The following GGACT variants were observed in gnomAD, a reference collection of about 807,000 sequenced individuals.
The protein encoded by GGACT is gamma-glutamylamine cyclotransferase.
For missense variants in GGACT, 241 were observed against 233.2 expected (o/e 1.03, Z -0.22); for synonymous variants, 118 against 115.3 (o/e 1.02, Z -0.15).
intron 2 of GGACT, among the ~76,000 whole-genome samples, chr13:100,574,094 T>C (rs995517183): frequency 4.3e-4 from 65 of 152,226 alleles, no homozygotes; most frequent in Non-Finnish European, 1.5e-5. Flanking sequence ...CATATGTTCA[T>C]TGCTGTACTA....
At chr13:100,573,104 CAAG>C (rs1875135944) in intron 2 of GGACT, among the ~76,000 whole-genome samples, 1 of 152,164 alleles carries the variant, frequency 6.6e-6, no homozygotes, top group Non-Finnish European at 1.5e-5. Flanking sequence ...GTAGCAATCA[CAAG>C]AAGAGTGGGA....
intron 1 of GGACT, chr13:100,586,892 C>T (rs1311108246): frequency 6.6e-6 from 1 of 152,272 alleles, no homozygotes; most frequent in Non-Finnish European, 1.5e-5. Flanking sequence ...CTAAACACGG[C>T]TGCCTTATCC....
At chr13:100,543,326 G>A (rs939187787) in intron 2 of GGACT, among the ~76,000 whole-genome samples, 2 of 146,586 alleles carry the variant, frequency 1.4e-5, no homozygotes, top group Non-Finnish European at 3.0e-5. Flanking sequence ...TCCTGCCTCA[G>A]CCTCCTGAGT....
intron 2 of GGACT, among the ~76,000 whole-genome samples, chr13:100,566,309 C>T (rs556569027): frequency 5.3e-5 from 8 of 152,346 alleles, no homozygotes; most frequent in Admixed American, 1.3e-4. Context: ...AATGTCTTCA[C>T]GTGCTCACAA....
intron 2 of GGACT, among the ~76,000 whole-genome samples, chr13:100,577,450 TAA>T (rs1555335035): frequency 6.7e-6 from 1 of 148,502 alleles, no homozygotes; most frequent in Non-Finnish European, 1.5e-5. Flanking sequence ...AATAAATAAA[TAA>T]AAAGAAAAAG....
At chr13:100,580,569 C>G (rs1294979062) in intron 2 of GGACT, among the ~76,000 whole-genome samples, 1 of 152,210 alleles carries the variant, frequency 6.6e-6, no homozygotes, top group Non-Finnish European at 1.5e-5. Context: ...TCTTAAGCTT[C>G]CCAGTTTGTG....
At chr13:100,543,996 T>G (rs571079360) in intron 2 of GGACT, among the ~76,000 whole-genome samples, 1 of 152,364 alleles carries the variant, frequency 6.6e-6, no homozygotes, top group South Asian at 2.1e-4. Flanking sequence ...CTAGTCCTTC[T>G]GTGACCACCA....
chr13:100,564,395 T>C (rs1200046366), intron 2 of GGACT, among the ~76,000 whole-genome samples: 1 of 152,150 alleles, frequency 6.6e-6, no homozygotes, highest in Non-Finnish European at 1.5e-5. Context: ...TTCACCTACA[T>C]GGCAAGTTCA....
intron 2 of GGACT, among the ~76,000 whole-genome samples, chr13:100,550,585 C>G (rs1343210865): frequency 6.6e-6 from 1 of 152,162 alleles, no homozygotes; most frequent in Admixed American, 6.5e-5. Context: ...GAACCCAGGA[C>G]CCTAGACATT....
At chr13:100,560,482 GC>G (rs1370056826) in intron 2 of GGACT, among the ~76,000 whole-genome samples, 1 of 152,166 alleles carries the variant, frequency 6.6e-6, no homozygotes, top group East Asian at 1.9e-4. Flanking sequence ...TCCCTTCTTA[GC>G]CCTTTACCCA....
intron 2 of GGACT, among the ~76,000 whole-genome samples, chr13:100,566,857 T>A (rs138131635): frequency 5.9e-5 from 9 of 152,360 alleles, no homozygotes; most frequent in Admixed American, 3.3e-4. Context: ...CCTGATAACG[T>A]GCTTTACAGC....
rs539204197 is a variant in GGACT at position 100,554,234 on chromosome 13, C to G, written c.-10-21633G>C. On this transcript the variant is annotated intron_variant, in intron 2 of 2. Transcript: ENST00000683975. ...TTATGTTCCCCCAGGGGATGAAAGC[C>G]AAGGTACATTTCTCAGGGGTTCAGA... 2.0e-5 allele frequency among the ~76,000 whole-genome samples: 3 copies of G among 152,240 alleles called. No homozygotes were observed. The South Asian group carries it at 6.2e-4, about 32-fold the overall frequency.
chr13:100,573,763 A>C (rs891351775), intron 2 of GGACT, among the ~76,000 whole-genome samples: 2 of 152,204 alleles, frequency 1.3e-5, no homozygotes, highest in South Asian at 2.1e-4. Context: ...TCTGAAAAGA[A>C]GACACACAAG....
At chr13:100,547,198 A>T (rs2088614958) in intron 2 of GGACT, among the ~76,000 whole-genome samples, 1 of 152,208 alleles carries the variant, frequency 6.6e-6, no homozygotes, top group African/African-American at 2.4e-5. Flanking sequence ...GGAGCAGGGC[A>T]GAAGCAGGAC....
intron 2 of GGACT, among the ~76,000 whole-genome samples, chr13:100,578,599 C>T (rs900387648): frequency 6.6e-6 from 1 of 152,240 alleles, no homozygotes; most frequent in Non-Finnish European, 1.5e-5. Flanking sequence ...AAAATTACCA[C>T]GTTAACCATG....
intron 2 of GGACT, chr13:100,539,301 CT>C (rs1459740551): frequency 6.6e-6 from 1 of 152,346 alleles, no homozygotes; most frequent in African/African-American, 2.4e-5. Context: ...AGAAGAAAAG[CT>C]TTCATTCTGG....
intron 2 of GGACT, among the ~76,000 whole-genome samples, chr13:100,548,104 C>T (rs999351372): frequency 3.3e-5 from 5 of 152,254 alleles, no homozygotes; most frequent in Non-Finnish European, 7.3e-5. Flanking sequence ...TGATGGCAGG[C>T]AACTTCTCGT....
At chr13:100,575,315 A>G (rs1221573126) in intron 2 of GGACT, among the ~76,000 whole-genome samples, 2 of 152,206 alleles carry the variant, frequency 1.3e-5, no homozygotes, top group Non-Finnish European at 2.9e-5. Flanking sequence ...GGAGTGAGAG[A>G]TGACAAACAT....
intron 2 of GGACT, among the ~76,000 whole-genome samples, chr13:100,549,412 A>G (rs1436862581): frequency 5.3e-5 from 8 of 152,230 alleles, no homozygotes; most frequent in Non-Finnish European, 5.9e-5. Context: ...GCACAGCGCC[A>G]TTCTAATCCA....
Sources: gnomAD v4.1 joint callset for allele counts (sites outside exome capture counted in the v4.1 genomes callset) on GRCh38, gnomAD v4.1.1 for gene constraint, MANE v1.5 for transcripts, NCBI Gene and HGNC (gene_info 2026-07-23, HGNC 2026-07-21) for gene names.